RNMT: variants seen among roughly 807,000 people sequenced by gnomAD.
The protein encoded by RNMT is RNA guanine-7 methyltransferase.
RNMT carries 27 observed loss-of-function variants against 56.0 expected under a neutral mutation model. The ratio of observed to expected loss-of-function variants is 0.48; its 90% confidence interval spans 0.36 to 0.67. The LOEUF (loss-of-function observed/expected upper bound fraction) is 0.67, where lower values mean the gene tolerates loss of function less well. RNMT is among the 30% of genes least tolerant of loss of function. The pLI is 0.00. For synonymous variants in RNMT, 184 were observed against 176.2 expected, an observed-to-expected ratio of 1.04 and a Z score of -0.35; for missense variants, 519 against 552.1, an observed-to-expected ratio of 0.94 and a Z score of 0.60.
intron 9 of RNMT, among the ~76,000 whole-genome samples, chr18:13,749,446 G>C (rs1946366454): frequency 6.6e-6 from 1 of 152,130 alleles, no homozygotes; most frequent in Non-Finnish European, 1.5e-5. Flanking sequence ...CAAATAAATA[G>C]GTTAATTTCT....
intron 8 of RNMT, among the ~76,000 whole-genome samples, chr18:13,744,676 C>T (rs2044323682): frequency 6.6e-6 from 1 of 152,160 alleles, no homozygotes. Flanking sequence ...GTAACAGAAT[C>T]CTGCCTTACG....
chr18:13,732,584 C>T (rs182195521), intron 3 of RNMT, among the ~76,000 whole-genome samples: 1 of 152,074 alleles, frequency 6.6e-6, no homozygotes, highest in East Asian at 1.9e-4. Flanking sequence ...GGAAGTACCA[C>T]ATTAGAAAGG....
chr18:13,740,053 A>ATAAAATAAAAT, intron 5 of RNMT, 114 bp from the exon 6 acceptor site: 1 of 673,212 alleles, frequency 1.5e-6, no homozygotes, highest in Non-Finnish European at 2.6e-6. Context: ...AGGAAATAAA[A>ATAAAATAAAAT]CCTTTTCACT....
At chr18:13,735,521 A>ATTTTT (rs2044143883) in intron 4 of RNMT, among the ~76,000 whole-genome samples, 1 of 141,942 alleles carries the variant, frequency 7.0e-6, no homozygotes. Context: ...TTTTTTTAAG[A>ATTTTT]TTAACGTAAT....
chr18:13,731,609 A>G lies in RNMT; in HGVS notation c.92A>G (p.Asn31Ser), dbSNP rs114951540. Residue 31 changes from asparagine (N) to serine (S), a missense_variant, in exon 3 of 12, where the codon AAT becomes AGT. Physicochemically the swap from Asn to Ser is conservative, Grantham distance 46 (BLOSUM62 1). Transcript: ENST00000383314. ...AATTCTGAAACAGAGTCTTCATTCA[A>G]TATTAATGAAAACACAACAGCTTCT... ...SVNSETESSF[N>S]INENTTASGT... 3.1e-6 allele frequency: 5 copies of G among 1,613,962 alleles called. No homozygotes were observed. The highest frequency in any genetic ancestry group is 2.7e-5 in the African/African-American group (2 of 75,046).
At chr18:13,752,729 T>A (rs2149103945) in intron 10 of RNMT, among the ~76,000 whole-genome samples, 1 of 152,346 alleles carries the variant, frequency 6.6e-6, no homozygotes, top group Non-Finnish European at 1.5e-5. Context: ...ATACATAGAA[T>A]GCAGCAGTCC....
At chr18:13,752,565 G>A in intron 10 of RNMT, 138 bp downstream of exon 10, 1 of 600,732 alleles carries the variant, frequency 1.7e-6, no homozygotes, top group Non-Finnish European at 2.9e-6. Context: ...ACTAAGTGAT[G>A]TTGACTTGTT....
intron 3 of RNMT, among the ~76,000 whole-genome samples, chr18:13,732,824 CAACCTCCACCTCCCGG>C (rs2044095957): frequency 7.1e-6 from 1 of 141,674 alleles, no homozygotes. Flanking sequence ...CGGCTCACTG[CAACCTCCACCTCCCGG>C]GACCTCCACC....
Position 13,759,966 on chromosome 18 carries a change from A to C in RNMT, c.1418A>C (p.Glu473Ala). The part of the protein sequence containing the change: ...ATSIYLVFAF[E>A]KQQ ...GGTATTTACTTGGTGTTTGCCTTTG[A>C]GAAACAGCAGTGAGCACATAGGCAG... The change falls in exon 12 of 12, where the codon GAG (glutamate) becomes GCG (alanine). Residue 473 changes from glutamate to alanine, a missense_variant. Coordinates refer to ENST00000383314, the MANE Select transcript of RNMT (RefSeq NM_003799.3). 1 of 1,613,342 alleles carries C rather than the reference A, an allele frequency of 6.2e-7. No homozygotes were observed. Among genetic ancestry groups the C allele is most frequent in the Non-Finnish European group, 8.5e-7 (1 of 1,179,514 alleles).
intron 3 of RNMT, among the ~76,000 whole-genome samples, chr18:13,732,682 TGA>T (rs1303568405): frequency 6.6e-6 from 1 of 151,222 alleles, no homozygotes; most frequent in Non-Finnish European, 1.5e-5. Flanking sequence ...GGAAAGTGAC[TGA>T]TAGTGAGGCT....
In RNMT at chr18:13,742,663, A is replaced by G. The variant is rs771835634; in HGVS notation, c.1139+11A>G. On this transcript the variant is annotated intron_variant, in intron 8 of 11. Transcript: ENST00000383314. ...TCCATTGCTAAATGAGTAAGAAGTC[A>G]TTAATCTGTTCACTCTTTTCTTTTT... 7 of 1,597,140 alleles carry G rather than the reference A, an allele frequency of 4.4e-6. No individual in the cohort carries two copies. In the East Asian group the frequency reaches 1.1e-4, roughly 26 times the overall value.
chr18:13,753,333 C>T (rs889059654), intron 10 of RNMT, among the ~76,000 whole-genome samples: 4 of 152,020 alleles, frequency 2.6e-5, no homozygotes, highest in Admixed American at 6.6e-5. Flanking sequence ...GACGTGGTGA[C>T]GGGCCCCTAT....
chr18:13,752,740 A>G (rs531508943), intron 10 of RNMT, among the ~76,000 whole-genome samples: 165 of 152,384 alleles, frequency 1.1e-3, no homozygotes, highest in African/African-American at 3.8e-3. Flanking sequence ...GCAGCAGTCC[A>G]GGAATTTAAA....
rs2044648625 is a variant in RNMT, at chr18:13,763,937, G to C, written c.*3958G>C. On this transcript the variant is annotated 3_prime_UTR_variant, in exon 12 of 12. Transcript: ENST00000383314. ...CTGAGTAAGGGGCTTTGTTGAAAGA[G>C]GGGGTTAGAGAGAGCAAGACAGCAC... 6.6e-6 allele frequency: 1 copy of C among 152,288 alleles called. No individual in the cohort carries two copies. Among genetic ancestry groups the C allele is most frequent in the African/African-American group, 2.4e-5 (1 of 41,464 alleles). The allele number at this position is 152,288 out of a possible 1,614,324, so 9.4% of individuals were successfully genotyped here.
In RNMT at chr18:13,760,565, A is replaced by G. The variant is rs1004636392; in HGVS notation, c.*586A>G. The G allele has an allele frequency of 1.1e-5, 11 of 985,618 alleles. No individual in the cohort carries two copies. Among genetic ancestry groups the G allele is most frequent in the African/African-American group, 1.0e-4 (6 of 57,234 alleles). The allele number at this position is 985,618 out of a possible 1,614,324, so 61.1% of individuals were successfully genotyped here. ...TTGAAATAATCATTAACATGCTGCA[A>G]TTCAGGAGCTGGTTAGAACATTTTA... is the stretch of plus-strand genomic sequence containing the variant. On this transcript the variant is annotated 3_prime_UTR_variant, in exon 12 of 12. Transcript: ENST00000383314.
intron 9 of RNMT, among the ~76,000 whole-genome samples, chr18:13,749,849 A>C (rs996468722): frequency 7.4e-6 from 1 of 134,260 alleles, no homozygotes; most frequent in Admixed American, 7.6e-5. Flanking sequence ...GCCTCACCTA[A>C]ACCCGGCCTA....
chr18:13,743,329 A>ATAAAT (rs370522604), intron 8 of RNMT, among the ~76,000 whole-genome samples: 7 of 31,838 alleles, frequency 2.2e-4, no homozygotes, highest in Non-Finnish European at 3.4e-4. Context: ...TCTCAAAAAA[A>ATAAAT]AAATAAATAA....
chr18:13,761,807 T>C lies in RNMT; in HGVS notation c.*1828T>C. ...CACCTTCCTCCTTGAGCTTTGCCTG[T>C]CTCTTGCCTTATCAGTTCTTCCTCC... On this transcript the variant is annotated 3_prime_UTR_variant, in exon 12 of 12. Coordinates refer to ENST00000383314, the MANE Select transcript of RNMT (RefSeq NM_003799.3). 6 of 1,316,070 alleles carry C rather than the reference T, an allele frequency of 4.6e-6. No homozygotes were observed. Among genetic ancestry groups the C allele is most frequent in the Non-Finnish European group, 5.8e-6 (6 of 1,029,406 alleles). 81.5% of individuals were successfully genotyped at this position (1,316,070 alleles called of 1,614,324 possible). A position where few individuals can be genotyped will look rare whatever the true frequency, so the allele number is the denominator to read the frequency against.
At chr18:13,754,070 C>T (rs1452738713) in intron 10 of RNMT, 44 bp from the exon 11 acceptor site, 2 of 1,101,018 alleles carry the variant, frequency 1.8e-6, no homozygotes, top group Non-Finnish European at 1.4e-6. Flanking sequence ...ATGTTTACTT[C>T]CATATTGAAT....
Sources: gnomAD v4.1 joint callset for allele counts (sites outside exome capture counted in the v4.1 genomes callset) on GRCh38, gnomAD v4.1.1 for gene constraint, MANE v1.5 for transcripts, NCBI Gene and HGNC (gene_info 2026-07-23, HGNC 2026-07-21) for gene names.